SLCO1B3: variants seen among roughly 807,000 people sequenced by gnomAD.
SLCO1B3 encodes solute carrier organic anion transporter family member 1B3.
Under a neutral mutation model 71.8 loss-of-function variants are expected in SLCO1B3, and 72 were observed. The ratio of observed to expected loss-of-function variants is 1.00; its 90% CI spans 0.83 to 1.22. The LOEUF is 1.22. Among genes scored for constraint, SLCO1B3 ranks in the 50% most tolerant of loss-of-function variants. The pLI, the probability that SLCO1B3 is intolerant of heterozygous loss-of-function variation, is 0.00. For synonymous variants in SLCO1B3, 298 were observed against 278.4 expected, an observed-to-expected ratio of 1.07 and a Z score of -0.70; for missense variants, 911 against 819.7, an observed-to-expected ratio of 1.11 and a Z score of -1.36.
At chr12:20,908,795 T>A (rs1369018378) in intron 15 of SLCO1B3, among the ~76,000 whole-genome samples, 1 of 152,222 alleles carries the variant, frequency 6.6e-6, no homozygotes, top group Non-Finnish European at 1.5e-5. Flanking sequence ...CTGAAGGACA[T>A]CTTGATTGCT....
chr12:20,901,380 C>T lies in SLCO1B3; in HGVS notation c.1778C>T (p.Ala593Val). The T allele has an allele frequency of 1.3e-6, 2 of 1,588,460 alleles. No homozygotes were observed. The highest frequency in any genetic ancestry group is 1.7e-6 in the Non-Finnish European group (2 of 1,170,230). Residue 593 changes from alanine to valine, a missense_variant, in exon 15 of 16, where the codon GCT (alanine) becomes GTT (valine). Coordinates refer to ENST00000381545, the MANE Select transcript of SLCO1B3 (RefSeq NM_019844.4). ...GGILAPIYFGALIDKTCMKWS... is the reference protein window; with the variant it reads ...GGILAPIYFGVLIDKTCMKWS... ...ATTCTAGCTCCAATATATTTTGGGG[C>T]TCTGATTGATAAAACATGTATGAAG...
chr12:20,903,408 C>G (rs113495624), intron 15 of SLCO1B3, among the ~76,000 whole-genome samples: 4 of 152,230 alleles, frequency 2.6e-5, no homozygotes, highest in African/African-American at 9.6e-5. Flanking sequence ...AGTCTATTCT[C>G]ACACTGCTAT....
At chr12:20,819,166 C>T (rs923220346) in intron 3 of SLCO1B3, among the ~76,000 whole-genome samples, 15 of 152,106 alleles carry the variant, frequency 9.9e-5, no homozygotes, top group Admixed American at 3.9e-4. Flanking sequence ...CTACAGGGTG[C>T]GGTCCTGGCT....
rs370802521 is a variant in SLCO1B3, at chr12:20,817,332, G to A, written c.84+1510G>A. On this transcript the variant is annotated intron_variant, in intron 3 of 15. Coordinates refer to ENST00000381545, the MANE Select transcript of SLCO1B3 (RefSeq NM_019844.4). ...CAATATTTTATTGAGGTAGTTTTAT[G>A]GGTTGAGGTCTTTAGATTTAAGTCT... Among the ~76,000 whole-genome samples the A allele has an allele frequency of 1.1e-3, 162 of 152,186 alleles. 4 individuals carry two copies. In the South Asian group the frequency reaches 0.033, roughly 31 times the overall value.
At chr12:20,899,783 G>A (rs1045659181) in intron 14 of SLCO1B3, among the ~76,000 whole-genome samples, 6 of 152,026 alleles carry the variant, frequency 3.9e-5, no homozygotes, top group African/African-American at 1.5e-4. Flanking sequence ...CATTGTTTAA[G>A]CAACATAAAA....
At chr12:20,836,210 G>T (rs1279875508) in intron 3 of SLCO1B3, among the ~76,000 whole-genome samples, 2 of 152,188 alleles carry the variant, frequency 1.3e-5, no homozygotes, top group Non-Finnish European at 2.9e-5. Context: ...TACAATTTAA[G>T]ATGAGATTTC....
intron 15 of SLCO1B3, among the ~76,000 whole-genome samples, chr12:20,911,539 A>G (rs1866375675): frequency 1.3e-5 from 2 of 152,142 alleles, no homozygotes; most frequent in Admixed American, 1.3e-4. Context: ...TAAGTGTTTT[A>G]TAGAATTCGC....
At chr12:20,892,760 A>G (rs11045585) in intron 13 of SLCO1B3, among the ~76,000 whole-genome samples, 25,379 of 152,162 alleles carry the variant, frequency 0.17, 2,283 homozygotes, top group African/African-American at 0.21. Context: ...TTAAAGAAAC[A>G]TACTGACAGG....
chr12:20,907,805 G>A (rs1026570893), intron 15 of SLCO1B3, among the ~76,000 whole-genome samples: 2 of 151,694 alleles, frequency 1.3e-5, no homozygotes, highest in Non-Finnish European at 2.9e-5. Context: ...CACTGCTCCC[G>A]GCTGGGAGAT....
chr12:20,838,362 C>G (rs1233131436), intron 3 of SLCO1B3, among the ~76,000 whole-genome samples: 3 of 151,926 alleles, frequency 2.0e-5, no homozygotes, highest in African/African-American at 7.2e-5. Context: ...AAGTGGGTGT[C>G]ATGCACACAA....
chr12:20,893,929 G>A lies in SLCO1B3; in HGVS notation c.1683-4507G>A, dbSNP rs576166832. Among the ~76,000 whole-genome samples the A allele has an allele frequency of 2.6e-5, 4 of 152,256 alleles. No homozygotes were observed. The South Asian group carries it at 6.2e-4, about 24-fold the overall frequency. On this transcript the variant is annotated intron_variant, in intron 13 of 15. Coordinates refer to ENST00000381545, the MANE Select transcript of SLCO1B3 (RefSeq NM_019844.4). Reference sequence around the variant, plus strand: ...TGTTTCAGAACTTTTTTAAAAAACTGCATTTTAGTGGGTTAGCTAGAAAAG... The same window carrying A: ...TGTTTCAGAACTTTTTTAAAAAACTACATTTTAGTGGGTTAGCTAGAAAAG...
At chr12:20,878,744 A>C (rs1383016093) in intron 10 of SLCO1B3, among the ~76,000 whole-genome samples, 2 of 152,136 alleles carry the variant, frequency 1.3e-5, no homozygotes, top group Non-Finnish European at 2.9e-5. Flanking sequence ...TTTTTGTTAG[A>C]GGAATCTTCA....
intron 13 of SLCO1B3, among the ~76,000 whole-genome samples, chr12:20,894,261 C>T (rs1419883166): frequency 1.3e-5 from 2 of 152,130 alleles, no homozygotes; most frequent in Admixed American, 6.5e-5. Context: ...AAGCAGGAGT[C>T]ACACTACAGT....
intron 13 of SLCO1B3, among the ~76,000 whole-genome samples, chr12:20,893,384 T>A (rs1484753134): frequency 6.6e-6 from 1 of 151,406 alleles, no homozygotes; most frequent in Admixed American, 6.6e-5. Flanking sequence ...ATGATGAGAG[T>A]TGTGATGTGC....
chr12:20,871,761 G>A (rs1324346426), intron 8 of SLCO1B3, among the ~76,000 whole-genome samples: 3 of 152,064 alleles, frequency 2.0e-5, no homozygotes, highest in Admixed American at 2.0e-4. Flanking sequence ...GCCAGAAACT[G>A]GGGGTTCACT....
At chr12:20,893,214 T>C (rs1331694544) in intron 13 of SLCO1B3, among the ~76,000 whole-genome samples, 1 of 152,086 alleles carries the variant, frequency 6.6e-6, no homozygotes, top group Non-Finnish European at 1.5e-5. Flanking sequence ...GAACTGACTG[T>C]GGGTGGAAGA....
chr12:20,815,850 AAAAT>A, intron 3 of SLCO1B3, 28 bp downstream of exon 3: 1 of 1,448,502 alleles, frequency 6.9e-7, no homozygotes, highest in South Asian at 1.3e-5. Flanking sequence ...TTTTCAAACT[AAAAT>A]AAGTTAATGG....
At chr12:20,880,803 T>C in intron 11 of SLCO1B3, 52 bp from the exon 12 acceptor site, 1 of 1,331,148 alleles carries the variant, frequency 7.5e-7, no homozygotes, top group Non-Finnish European at 1.0e-6. Flanking sequence ...TTCTGCTCTT[T>C]CTCTACTTCC....
intron 4 of SLCO1B3, among the ~76,000 whole-genome samples, chr12:20,856,750 A>G (rs7307957): frequency 0.72 from 110,091 of 151,978 alleles, 42,470 homozygotes; most frequent in South Asian, 0.9. Context: ...AAGTGGAGAC[A>G]GGTTTTCACC....
Sources: allele counts gnomAD v4.1 joint callset (sites outside exome capture counted in the v4.1 genomes callset), GRCh38; gene constraint gnomAD v4.1.1; transcripts MANE v1.5; gene names NCBI Gene and HGNC (gene_info 2026-07-23, HGNC 2026-07-21).